The following OR1J2 variants were observed in gnomAD, a reference collection of about 807,000 sequenced individuals.
OR1J2 encodes olfactory receptor 1J2.
For missense variants in OR1J2, 304 were observed against 246.1 expected, an observed-to-expected ratio of 1.24 and a Z score of -1.57; for synonymous variants, 142 against 99.7, an observed-to-expected ratio of 1.42 and a Z score of -2.52.
the OR1J2 span, among the ~76,000 whole-genome samples, chr9:122,552,869 A>G: frequency 6.6e-6 from 1 of 151,120 alleles, no homozygotes; most frequent in Non-Finnish European, 1.5e-5. Context: ...TGGCTTTTCT[A>G]ATCTTGCCAT....
the OR1J2 span, among the ~76,000 whole-genome samples, chr9:122,547,620 A>AGTGTGTGTGTGT: frequency 4.3e-4 from 62 of 142,986 alleles, no homozygotes; most frequent in Admixed American, 9.2e-4. Flanking sequence ...GTAGTAGTTC[A>AGTGTGTGTGTGT]GTGTGTGTGT....
chr9:122,488,962 T>TC, the OR1J2 span, among the ~76,000 whole-genome samples: 1 of 152,092 alleles, frequency 6.6e-6, no homozygotes, highest in Non-Finnish European at 1.5e-5. Flanking sequence ...CCATTACCCA[T>TC]CGTCTACATT....
the OR1J2 span, among the ~76,000 whole-genome samples, chr9:122,480,639 T>C: frequency 3.9e-5 from 6 of 152,068 alleles, no homozygotes; most frequent in African/African-American, 1.4e-4. Context: ...TTCTTTTTTT[T>C]ATTATTATAC....
chr9:122,576,512 G>A, the OR1J2 span, among the ~76,000 whole-genome samples: 3 of 152,036 alleles, frequency 2.0e-5, no homozygotes, highest in Admixed American at 6.6e-5. Flanking sequence ...TGGGATTACA[G>A]GCATGAGCCA....
At chr9:122,489,421 G>T in the OR1J2 span, among the ~76,000 whole-genome samples, 1 of 152,052 alleles carries the variant, frequency 6.6e-6, no homozygotes, top group African/African-American at 2.4e-5. Context: ...GAAACAGCCT[G>T]GGCTCCAGAG....
At chr9:122,526,978 C>G in the OR1J2 span, 1 of 1,614,182 alleles carries the variant, frequency 6.2e-7, no homozygotes, top group South Asian at 1.1e-5. Context: ...TCTAGATCAC[C>G]AAACATCAGA....
chr9:122,535,655 G>T, the OR1J2 span, among the ~76,000 whole-genome samples: 1 of 152,148 alleles, frequency 6.6e-6, no homozygotes, highest in African/African-American at 2.4e-5. Flanking sequence ...AGGACCTGAG[G>T]TCGTAGGTGG....
chr9:122,537,192 A>G, the OR1J2 span, among the ~76,000 whole-genome samples: 41 of 152,370 alleles, frequency 2.7e-4, no homozygotes, highest in Non-Finnish European at 5.7e-4. Flanking sequence ...TTAAGCAATC[A>G]GGTGGTACGT....
upstream of OR1J2, among the ~76,000 whole-genome samples, chr9:122,508,543 A>C (rs1330525830): frequency 6.6e-6 from 1 of 152,168 alleles, no homozygotes; most frequent in Non-Finnish European, 1.5e-5. Context: ...GATGGCATAG[A>C]GTCTCATTTA....
At chr9:122,553,950 C>T in the OR1J2 span, 2 of 1,613,934 alleles carry the variant, frequency 1.2e-6, no homozygotes, top group East Asian at 4.5e-5. Flanking sequence ...CTGTGGTTCT[C>T]ATCTCACGGT....
At chr9:122,573,170 G>T in the OR1J2 span, among the ~76,000 whole-genome samples, 7,496 of 152,166 alleles carry the variant, frequency 0.049, 290 homozygotes, top group South Asian at 0.17. Context: ...ATATAGCTGT[G>T]GTGTGCTGAC....
chr9:122,481,074 G>A, the OR1J2 span, among the ~76,000 whole-genome samples: 5 of 152,088 alleles, frequency 3.3e-5, no homozygotes, highest in Admixed American at 6.6e-5. Context: ...GATTACAGGC[G>A]TGAGCCACTG....
At chr9:122,555,140 A>T in the OR1J2 span, among the ~76,000 whole-genome samples, 1 of 152,220 alleles carries the variant, frequency 6.6e-6, no homozygotes, top group Non-Finnish European at 1.5e-5. Context: ...GCACAAAAAA[A>T]TGTTGCAGTG....
At chr9:122,518,464 A>G in the OR1J2 span, among the ~76,000 whole-genome samples, 4 of 152,240 alleles carry the variant, frequency 2.6e-5, no homozygotes, top group Non-Finnish European at 5.9e-5. Flanking sequence ...GAGTCCTCAC[A>G]TGGCAATGCC....
At chr9:122,513,483 A>C (rs1201940675), downstream of OR1J2, among the ~76,000 whole-genome samples, 1 of 152,066 alleles carries the variant, frequency 6.6e-6, no homozygotes, top group Non-Finnish European at 1.5e-5. Flanking sequence ...GTGTTTCCGC[A>C]GAGTTCAACC....
the OR1J2 span, among the ~76,000 whole-genome samples, chr9:122,549,523 T>G: frequency 4.8e-4 from 73 of 152,330 alleles, no homozygotes; most frequent in East Asian, 0.012. Context: ...TAATCCATCT[T>G]GAGTTAATTT....
the OR1J2 span, among the ~76,000 whole-genome samples, chr9:122,453,028 CAAAA>C: frequency 1.1e-3 from 102 of 93,426 alleles, 1 homozygote; most frequent in African/African-American, 2.0e-3. Context: ...AGCTTCGTCT[CAAAA>C]AAAAAAAAAA....
At chr9:122,490,311 A>T in the OR1J2 span, among the ~76,000 whole-genome samples, 1 of 152,100 alleles carries the variant, frequency 6.6e-6, no homozygotes, top group African/African-American at 2.4e-5. Flanking sequence ...CTCCCCATCC[A>T]ATGTGGGGTG....
the OR1J2 span, among the ~76,000 whole-genome samples, chr9:122,468,643 C>G: frequency 3.9e-5 from 6 of 152,138 alleles, no homozygotes; most frequent in Non-Finnish European, 7.4e-5. Context: ...CAACTGGATC[C>G]CATCTCCTGT....
Sources: allele counts gnomAD v4.1 joint callset (sites outside exome capture counted in the v4.1 genomes callset), GRCh38; gene constraint gnomAD v4.1.1; transcripts MANE v1.5; gene names NCBI Gene and HGNC (gene_info 2026-07-23, HGNC 2026-07-21).